CERS4: variants seen among roughly 807,000 people sequenced by gnomAD.
The protein encoded by CERS4 is LAG1 homolog, ceramide synthase 4.
CERS4 carries 65 observed loss-of-function variants against 51.8 expected under a neutral mutation model. That is an observed-to-expected ratio of 1.26 (90% CI 1.03 to 1.54). The LOEUF (loss-of-function observed/expected upper bound fraction) is 1.54, where lower values mean the gene tolerates loss of function less well. Among genes scored for constraint, CERS4 ranks in the 40% most tolerant of loss-of-function variants. The pLI is 0.00. For missense variants in CERS4, 563 were observed against 500.4 expected, an observed-to-expected ratio of 1.13 and a Z score of -1.19; for synonymous variants, 228 against 208.4, an observed-to-expected ratio of 1.09 and a Z score of -0.81.
intron 2 of CERS4, among the ~76,000 whole-genome samples, chr19:8,221,847 C>G (rs1420094162): frequency 1.5e-5 from 2 of 129,530 alleles, no homozygotes; most frequent in South Asian, 5.1e-4. Context: ...TTTATATTTA[C>G]TTACTGACTT....
intron 2 of CERS4, among the ~76,000 whole-genome samples, chr19:8,237,061 C>A (rs1968300878): frequency 7.3e-6 from 1 of 137,778 alleles, no homozygotes; most frequent in Admixed American, 7.5e-5. Flanking sequence ...CTGTTTATTT[C>A]TTAGCTTGCA....
intron 3 of CERS4, among the ~76,000 whole-genome samples, chr19:8,253,802 C>T (rs111308054): frequency 0.033 from 5,005 of 152,030 alleles, 243 homozygotes; most frequent in African/African-American, 0.099. Context: ...ATTGGTCAGG[C>T]TGGTCTCGAA....
chr19:8,236,680 T>TAAAA (rs59164781), intron 2 of CERS4, among the ~76,000 whole-genome samples: 11 of 122,354 alleles, frequency 9.0e-5, no homozygotes, highest in African/African-American at 3.7e-4. Flanking sequence ...CCCTGTCTTC[T>TAAAA]AAAAAAAAAA....
At chr19:8,237,647 G>A (rs1445502352) in intron 2 of CERS4, among the ~76,000 whole-genome samples, 10 of 152,066 alleles carry the variant, frequency 6.6e-5, no homozygotes. Flanking sequence ...TCAGGAGATT[G>A]AGACCATCCT....
chr19:8,243,031 C>T (rs1968604076), intron 2 of CERS4, among the ~76,000 whole-genome samples: 1 of 150,800 alleles, frequency 6.6e-6, no homozygotes, highest in South Asian at 2.1e-4. Flanking sequence ...TCCATCTGCA[C>T]CTTGGGGTCT....
At chr19:8,222,957 G>C (rs1967626016) in intron 2 of CERS4, among the ~76,000 whole-genome samples, 1 of 152,180 alleles carries the variant, frequency 6.6e-6, no homozygotes, top group African/African-American at 2.4e-5. Flanking sequence ...CATTTGTGCA[G>C]TCGGTGGACA....
chr19:8,234,354 G>A (rs1276626564), intron 2 of CERS4, among the ~76,000 whole-genome samples: 1 of 152,066 alleles, frequency 6.6e-6, no homozygotes, highest in African/African-American at 2.4e-5. Flanking sequence ...TTGGAGTACA[G>A]TAGTGCAGTC....
chr19:8,245,126 A>ACAAACAAAAACAAAAAAAC lies in CERS4; in HGVS notation c.-1-5950_-1-5949insCAAACAAAAACAAAAAAAC, dbSNP rs1555777241. Among the ~76,000 whole-genome samples the ACAAACAAAAACAAAAAAAC allele has an allele frequency of 4.7e-3, 697 of 148,224 alleles. 12 individuals carry two copies. Among genetic ancestry groups the ACAAACAAAAACAAAAAAAC allele is most frequent in the African/African-American group, 0.017 (657 of 39,628 alleles). On this transcript the variant is annotated intron_variant, in intron 2 of 11. Transcript: ENST00000251363. The stretch of plus-strand genomic sequence containing the variant: ...GACTCCATCTCAAAAAAAAAAAAAA[A>ACAAACAAAAACAAAAAAAC]AAAAAAAAACACTCTTGGCTTCAAG...
At chr19:8,248,076 TAGAG>T (rs1272280691) in intron 2 of CERS4, among the ~76,000 whole-genome samples, 3 of 152,244 alleles carry the variant, frequency 2.0e-5, no homozygotes, top group South Asian at 2.1e-4. Context: ...GGCGCCTCCT[TAGAG>T]AGCCTCTCCT....
chr19:8,216,108 G>A (rs753212533), intron 2 of CERS4, among the ~76,000 whole-genome samples: 3 of 152,154 alleles, frequency 2.0e-5, no homozygotes, highest in African/African-American at 7.2e-5. Flanking sequence ...GCCAGGCACC[G>A]TGGCTCACAC....
intron 2 of CERS4, among the ~76,000 whole-genome samples, chr19:8,214,077 C>G (rs1171684029): frequency 6.6e-6 from 1 of 152,078 alleles, no homozygotes; most frequent in South Asian, 2.1e-4. Flanking sequence ...CACACACACA[C>G]TGAACCGCCT....
rs758238443 is a variant in CERS4 at position 8,251,135 on chromosome 19, T to G, written c.59T>G (p.Val20Gly). The change falls in exon 3 of 12, where the codon GTC (valine) becomes GGC (glycine). Residue 20 changes from valine to glycine, a missense_variant. Val to Gly is a moderately radical substitution (Grantham distance 109). Coordinates refer to ENST00000251363, the MANE Select transcript of CERS4 (RefSeq NM_024552.3). Reference protein sequence around the residue: ...WQDRFWLPPNVTWTELEDRDG... With the variant: ...WQDRFWLPPNGTWTELEDRDG... ...GACAGGTTCTGGTTACCACCCAATG[T>G]CACGTGGACAGAGCTAGAAGACCGG... 1 of 1,612,222 alleles carries G rather than the reference T, an allele frequency of 6.2e-7. No homozygotes were observed.
chr19:8,212,314 G>A (rs1233746342), intron 2 of CERS4, among the ~76,000 whole-genome samples: 1 of 152,154 alleles, frequency 6.6e-6, no homozygotes, highest in Non-Finnish European at 1.5e-5. Flanking sequence ...GGCGTGGACG[G>A]GTGAGACTTG....
intron 2 of CERS4, among the ~76,000 whole-genome samples, chr19:8,211,312 A>G (rs1240056633): frequency 6.6e-6 from 1 of 152,014 alleles, no homozygotes; most frequent in African/African-American, 2.4e-5. Flanking sequence ...GTGCCTTGGG[A>G]GCTCGCTGCC....
chr19:8,229,628 C>T (rs961834721), intron 2 of CERS4, among the ~76,000 whole-genome samples: 3 of 152,008 alleles, frequency 2.0e-5, no homozygotes, highest in African/African-American at 7.2e-5. Flanking sequence ...AGGCTGGTCT[C>T]GAAATCCTGA....
intron 2 of CERS4, among the ~76,000 whole-genome samples, chr19:8,211,946 A>AGAGGAGTCACCTGACTCAGCCTAAG (rs1311946225): frequency 1.1e-4 from 17 of 150,966 alleles, no homozygotes; most frequent in African/African-American, 2.2e-4. Context: ...GGGGGAGTCC[A>AGAGGAGTCACCTGACTCAGCCTAAG]GAGGAGTCAC....
chr19:8,254,647 C>T (rs1969276316), intron 4 of CERS4, 31 bp downstream of exon 4: 1 of 1,561,898 alleles, frequency 6.4e-7, no homozygotes, highest in African/African-American at 1.4e-5. Context: ...CCGACCCGCA[C>T]TACTGCCCTG....
intron 2 of CERS4, among the ~76,000 whole-genome samples, chr19:8,231,933 TCCTCCCACCTCAG>T (rs1968030006): frequency 6.8e-6 from 1 of 146,612 alleles, no homozygotes; most frequent in Non-Finnish European, 1.5e-5. Flanking sequence ...GCTCAAAGGA[TCCTCCCACCTCAG>T]CCTCCTGAGT....
chr19:8,218,874 T>G (rs1967413383), intron 2 of CERS4, among the ~76,000 whole-genome samples: 1 of 152,176 alleles, frequency 6.6e-6, no homozygotes, highest in Non-Finnish European at 1.5e-5. Context: ...GCAGGGGCTC[T>G]CTGTGGCTTC....
Sources: allele counts gnomAD v4.1 joint callset (sites outside exome capture counted in the v4.1 genomes callset), GRCh38; gene constraint gnomAD v4.1.1; transcripts MANE v1.5; gene names NCBI Gene and HGNC (gene_info 2026-07-23, HGNC 2026-07-21).